EYS: variants seen among roughly 807,000 people sequenced by gnomAD.
EYS encodes protein eyes shut homolog.
A neutral mutation model predicts 282.1 loss-of-function variants in EYS; 250 were observed. The ratio of observed to expected loss-of-function variants is 0.89; its 90% CI spans 0.80 to 0.98. The LOEUF is 0.98. Ranked by LOEUF, EYS falls within the 50% of genes least tolerant of loss-of-function variation. EYS has a pLI of 0.00. For synonymous variants in EYS, 1,355 were observed against 1,282.9 expected, an observed-to-expected ratio of 1.06 and a Z score of -1.20; for missense variants, 4,016 against 3,709.0, an observed-to-expected ratio of 1.08 and a Z score of -2.15.
chr6:65,599,781 G>T (rs1405088369), intron 2 of EYS, among the ~76,000 whole-genome samples: 3 of 151,968 alleles, frequency 2.0e-5, no homozygotes, highest in African/African-American at 7.2e-5. Flanking sequence ...TTAAGATAGT[G>T]CCTATTCATA....
intron 12 of EYS, among the ~76,000 whole-genome samples, chr6:65,133,303 C>CA (rs1561982803): frequency 1.3e-5 from 2 of 151,562 alleles, no homozygotes; most frequent in Non-Finnish European, 3.0e-5. Flanking sequence ...ACAACAACAA[C>CA]AAAAAACACC....
chr6:65,523,565 T>G (rs1767449373), intron 2 of EYS, among the ~76,000 whole-genome samples: 1 of 152,196 alleles, frequency 6.6e-6, no homozygotes, highest in South Asian at 2.1e-4. Context: ...AAGCACAAAG[T>G]TGCAGCTATG....
At chr6:65,650,676 C>T (rs1002756359) in intron 1 of EYS, among the ~76,000 whole-genome samples, 1 of 152,126 alleles carries the variant, frequency 6.6e-6, no homozygotes, top group Non-Finnish European at 1.5e-5. Context: ...AATTTACAAG[C>T]GTTTCGGGAG....
intron 12 of EYS, among the ~76,000 whole-genome samples, chr6:65,207,936 G>GA (rs764116328): frequency 1.3e-5 from 2 of 151,528 alleles, no homozygotes. Flanking sequence ...GAAAACCTAG[G>GA]AAAACCACAT....
chr6:65,677,070 T>A (rs1582592263), intron 1 of EYS, among the ~76,000 whole-genome samples: 1 of 88,708 alleles, frequency 1.1e-5, no homozygotes, highest in East Asian at 3.5e-4. Flanking sequence ...GAAGGTAAAA[T>A]ATGTAAAGCC....
intron 28 of EYS, among the ~76,000 whole-genome samples, chr6:64,399,104 A>G (rs56345120): frequency 0.024 from 3,621 of 151,934 alleles, 76 homozygotes; most frequent in African/African-American, 0.06. Context: ...AACAATAGTT[A>G]TTCACTAACA....
Position 64,912,478 on chromosome 6 carries a change from T to C in EYS, c.2641+6A>G, listed in dbSNP as rs1192921487. On this transcript the variant is annotated splice_donor_region_variant and intron_variant, in intron 16 of 42. Transcript: ENST00000503581. ...TAAAAACAATAAAATCCATATTAGC[T>C]CTTACCTTCTCTACAAATACAATGC... The C allele has an allele frequency of 2.6e-6, 4 of 1,549,966 alleles. No individual in the cohort carries two copies. Among genetic ancestry groups the C allele is most frequent in the Non-Finnish European group, 3.5e-6 (4 of 1,145,476 alleles).
At position 63,726,566 on chromosome 6, in the gene EYS, G is replaced by A. The variant is rs377362833; in HGVS notation, c.8186C>T (p.Ala2729Val). ...HIQLQFQPLA[A>V]DGILFYAAQH... is the part of the protein sequence containing the mutation. ...TGCAGCATAAAATAGGATACCATCT[G>A]CAGCGAGAGGCTGAAACTGCAATTG... Residue 2729 changes from alanine (A) to valine (V), a missense_variant, in exon 42 of 43, where the codon GCA becomes GTA. Coordinates refer to ENST00000503581, the MANE Select transcript of EYS (RefSeq NM_001142800.2). The A allele has an allele frequency of 1.1e-4, 177 of 1,551,220 alleles. No individual in the cohort carries two copies. Among genetic ancestry groups the A allele is most frequent in the Non-Finnish European group, 1.5e-4 (168 of 1,146,800 alleles).
At chr6:64,710,421 C>T (rs552755491) in intron 22 of EYS, among the ~76,000 whole-genome samples, 185 of 152,368 alleles carry the variant, frequency 1.2e-3, no homozygotes, top group Non-Finnish European at 2.1e-3. Flanking sequence ...TCACCTCAGC[C>T]TTTCATTAGC....
rs62415301 is a variant in EYS, at chr6:64,095,426, A to T, written c.6425-13424T>A. Among the ~76,000 whole-genome samples, 3 of 151,956 alleles carry T rather than the reference A, an allele frequency of 2.0e-5. No individual in the cohort carries two copies. The South Asian group carries it at 6.2e-4, about 32-fold the overall frequency. On this transcript the variant is annotated intron_variant, in intron 31 of 42. Coordinates refer to ENST00000503581, the MANE Select transcript of EYS (RefSeq NM_001142800.2). ...AGGTCTCTAAGGACTTGCTTTATGAATCTGGGTGCTCCTGTATTGGGTGCA... is the reference window on the plus strand; with the variant it reads ...AGGTCTCTAAGGACTTGCTTTATGATTCTGGGTGCTCCTGTATTGGGTGCA...
intron 2 of EYS, among the ~76,000 whole-genome samples, chr6:65,517,439 C>A (rs1767184165): frequency 6.6e-6 from 1 of 151,684 alleles, no homozygotes; most frequent in African/African-American, 2.4e-5. Context: ...AAATCTTTCA[C>A]AATGAATTAA....
intron 35 of EYS, among the ~76,000 whole-genome samples, chr6:63,912,689 G>T (rs1253385017): frequency 6.6e-6 from 1 of 152,118 alleles, no homozygotes; most frequent in African/African-American, 2.4e-5. Flanking sequence ...GATTTCTCAT[G>T]AATGGTTTAC....
intron 2 of EYS, among the ~76,000 whole-genome samples, chr6:65,536,992 A>G (rs529330270): frequency 6.6e-6 from 1 of 152,340 alleles, no homozygotes; most frequent in South Asian, 2.1e-4. Context: ...ATGTGTATTG[A>G]TGTATGTAGC....
intron 29 of EYS, among the ~76,000 whole-genome samples, chr6:64,334,079 A>G (rs1770747781): frequency 6.6e-6 from 1 of 152,220 alleles, no homozygotes; most frequent in Admixed American, 6.5e-5. Flanking sequence ...TGCCTAGGTC[A>G]ACAATATTTT....
chr6:65,191,931 C>T lies in EYS; in HGVS notation c.2023+103932G>A, dbSNP rs554508222. Among the ~76,000 whole-genome samples, 110 of 149,406 alleles carry T rather than the reference C, an allele frequency of 7.4e-4. No homozygotes were observed. In the Middle Eastern group the frequency reaches 0.01, roughly 14 times the overall value. On this transcript the variant is annotated intron_variant, in intron 12 of 42. Coordinates refer to ENST00000503581, the MANE Select transcript of EYS (RefSeq NM_001142800.2). ...TTCAGTGGTTAACTTAAGGGTAATG[C>T]ATTGTATTCATTTGTACTTTTTTTT...
chr6:64,948,587 T>C (rs1318326810), intron 14 of EYS, among the ~76,000 whole-genome samples: 1 of 146,828 alleles, frequency 6.8e-6, no homozygotes, highest in Non-Finnish European at 1.5e-5. Context: ...AAATATTAAG[T>C]AATTATTAAA....
At chr6:65,047,816 C>T (rs957101863) in intron 13 of EYS, among the ~76,000 whole-genome samples, 3 of 151,852 alleles carry the variant, frequency 2.0e-5, no homozygotes, top group Non-Finnish European at 4.4e-5. Context: ...GTCTTTTCTG[C>T]CACCCAGGAG....
At chr6:65,507,509 TC>T (rs952216888) in intron 2 of EYS, among the ~76,000 whole-genome samples, 2 of 152,162 alleles carry the variant, frequency 1.3e-5, no homozygotes. Flanking sequence ...CATTATTTTT[TC>T]AAATATTTTT....
intron 31 of EYS, among the ~76,000 whole-genome samples, chr6:64,101,102 G>C (rs1305364443): frequency 1.3e-5 from 2 of 151,958 alleles, no homozygotes; most frequent in African/African-American, 2.4e-5. Flanking sequence ...CAGTTTTTTG[G>C]CTCTTACTGC....
Sources: allele counts gnomAD v4.1 joint callset (sites outside exome capture counted in the v4.1 genomes callset), GRCh38; gene constraint gnomAD v4.1.1; transcripts MANE v1.5; gene names NCBI Gene and HGNC (gene_info 2026-07-23, HGNC 2026-07-21).